Variants in TRAK1 observed in about 807,000 individuals in gnomAD.
TRAK1 encodes the protein trafficking kinesin protein 1.
Under a neutral mutation model 92.1 loss-of-function variants are expected in TRAK1, and 33 were observed. That is an observed-to-expected ratio of 0.36 (90% CI 0.27 to 0.48). The LOEUF (loss-of-function observed/expected upper bound fraction) is 0.48, where lower values mean the gene tolerates loss of function less well. Ranked by LOEUF, TRAK1 falls within the 20% of genes least tolerant of loss-of-function variation. The pLI, the probability that TRAK1 is intolerant of heterozygous loss-of-function variation, is 0.99. For synonymous variants in TRAK1, 521 were observed against 517.3 expected (o/e 1.01, Z -0.10); for missense variants, 1,123 against 1,257.9 (o/e 0.89, Z 1.62).
chr3:42,058,907 A>T (rs1000539038), intron 1 of TRAK1, among the ~76,000 whole-genome samples: 2 of 152,212 alleles, frequency 1.3e-5, no homozygotes, highest in African/African-American at 4.8e-5. Context: ...AATGTGAAAA[A>T]ATGTGTATCT....
Position 42,196,599 on chromosome 3 carries a change from G to A in TRAK1, c.1113+1658G>A, listed in dbSNP as rs1233739599. 3.4e-5 allele frequency among the ~76,000 whole-genome samples: 5 copies of A among 147,186 alleles called. No homozygotes were observed. The East Asian group carries it at 8.0e-4, about 23-fold the overall frequency. On this transcript the variant is annotated intron_variant, in intron 10 of 15. Coordinates refer to ENST00000327628, the MANE Select transcript of TRAK1 (RefSeq NM_001042646.3). The stretch of plus-strand genomic sequence containing the variant: ...GTCATCCAGGCTGGAGTGCAGTGGT[G>A]CGATCTTGGCTCACTGCAACCTCCC...
At chr3:42,216,607 G>A (rs1401961650) in intron 14 of TRAK1, among the ~76,000 whole-genome samples, 1 of 152,162 alleles carries the variant, frequency 6.6e-6, no homozygotes, top group Non-Finnish European at 1.5e-5. Flanking sequence ...GACAGCTACG[G>A]GCAGTTCATC....
At chr3:42,097,932 A>G (rs1706173252) in intron 1 of TRAK1, among the ~76,000 whole-genome samples, 1 of 152,192 alleles carries the variant, frequency 6.6e-6, no homozygotes, top group Non-Finnish European at 1.5e-5. Context: ...GATACTGACA[A>G]CTATGTGAAC....
At chr3:42,067,792 C>T (rs1230435987) in intron 1 of TRAK1, among the ~76,000 whole-genome samples, 1 of 106,724 alleles carries the variant, frequency 9.4e-6, no homozygotes, top group Non-Finnish European at 2.1e-5. Flanking sequence ...TTGTAATTGG[C>T]CTATCACGTA....
At chr3:42,197,643 C>G (rs1706941943) in intron 10 of TRAK1, among the ~76,000 whole-genome samples, 1 of 152,226 alleles carries the variant, frequency 6.6e-6, no homozygotes, top group South Asian at 2.1e-4. Flanking sequence ...ATGTCAGACT[C>G]ACCTAGGGAA....
At chr3:42,016,652 C>T (rs1239344937) in intron 1 of TRAK1, among the ~76,000 whole-genome samples, 1 of 152,218 alleles carries the variant, frequency 6.6e-6, no homozygotes, top group Non-Finnish European at 1.5e-5. Flanking sequence ...ATTCTCCTCT[C>T]CGTCAGCTGT....
upstream of TRAK1, among the ~76,000 whole-genome samples, chr3:42,085,849 G>A (rs1387659977): frequency 3.9e-5 from 6 of 152,234 alleles, no homozygotes; most frequent in Admixed American, 2.0e-4. Context: ...AAAACCACAC[G>A]GATATGAAAG....
intron 2 of TRAK1, among the ~76,000 whole-genome samples, chr3:42,153,524 C>T (rs75447018): frequency 1.6e-4 from 24 of 152,250 alleles, no homozygotes; most frequent in African/African-American, 5.5e-4. Flanking sequence ...CCTTTTATAA[C>T]CTGATAGATT....
intron 13 of TRAK1, among the ~76,000 whole-genome samples, chr3:42,207,092 T>C (rs1201048096): frequency 6.6e-6 from 1 of 152,168 alleles, no homozygotes; most frequent in Non-Finnish European, 1.5e-5. Context: ...CATACCCCCC[T>C]TTTCCCTTCC....
At chr3:42,095,235 C>T (rs1267428100) in intron 1 of TRAK1, among the ~76,000 whole-genome samples, 1 of 152,160 alleles carries the variant, frequency 6.6e-6, no homozygotes, top group African/African-American at 2.4e-5. Flanking sequence ...TCATGTTGTC[C>T]TCAGCACAGC....
chr3:42,060,080 T>C (rs920235850), intron 1 of TRAK1, among the ~76,000 whole-genome samples: 2 of 152,164 alleles, frequency 1.3e-5, no homozygotes, highest in Non-Finnish European at 1.5e-5. Flanking sequence ...CAGAGAACCA[T>C]GTCAATAAGA....
At chr3:42,128,161 A>C (rs1478264891) in intron 2 of TRAK1, among the ~76,000 whole-genome samples, 1 of 152,200 alleles carries the variant, frequency 6.6e-6, no homozygotes, top group Non-Finnish European at 1.5e-5. Flanking sequence ...CCTGGGCAAC[A>C]AGAGCGAAAC....
intron 1 of TRAK1, among the ~76,000 whole-genome samples, chr3:42,025,831 G>C (rs1326077230): frequency 6.6e-6 from 1 of 152,190 alleles, no homozygotes; most frequent in African/African-American, 2.4e-5. Flanking sequence ...GTCCGTGGCA[G>C]ATGTTCTTAG....
chr3:42,199,083 T>C, intron 10 of TRAK1, 94 bp from the exon 11 acceptor site: 3 of 1,319,118 alleles, frequency 2.3e-6, no homozygotes, highest in Non-Finnish European at 3.2e-6. Context: ...TGCCTTGGTT[T>C]ACTCTCCATG....
At chr3:42,060,820 G>A (rs1463154973) in intron 1 of TRAK1, among the ~76,000 whole-genome samples, 3 of 151,934 alleles carry the variant, frequency 2.0e-5, no homozygotes, top group Non-Finnish European at 4.4e-5. Context: ...TAGTAGAAAC[G>A]GAGTTTCGCC....
chr3:42,041,807 C>G (rs968853275), intron 1 of TRAK1, among the ~76,000 whole-genome samples: 1 of 109,768 alleles, frequency 9.1e-6, no homozygotes, highest in Non-Finnish European at 1.9e-5. Flanking sequence ...CTTTTCTTTT[C>G]TTTTTGAGAC....
At chr3:42,049,259 T>G (rs1702887912) in intron 1 of TRAK1, among the ~76,000 whole-genome samples, 1 of 152,216 alleles carries the variant, frequency 6.6e-6, no homozygotes, top group Non-Finnish European at 1.5e-5. Context: ...TCCCTCATAG[T>G]TCTTTTAACC....
intron 3 of TRAK1, among the ~76,000 whole-genome samples, chr3:42,183,496 C>T (rs1024465362): frequency 2.1e-5 from 3 of 145,992 alleles, no homozygotes; most frequent in African/African-American, 7.7e-5. Flanking sequence ...GTGGAGGTTA[C>T]AGTGAGCCGA....
At chr3:42,056,249 T>G (rs61206862) in intron 1 of TRAK1, among the ~76,000 whole-genome samples, 34,177 of 152,054 alleles carry the variant, frequency 0.22, 4,251 homozygotes, top group Middle Eastern at 0.33. Flanking sequence ...AACATTTTGA[T>G]AAATTGCCAG....
Sources: allele counts gnomAD v4.1 joint callset (sites outside exome capture counted in the v4.1 genomes callset), GRCh38; gene constraint gnomAD v4.1.1; transcripts MANE v1.5; gene names NCBI Gene and HGNC (gene_info 2026-07-23, HGNC 2026-07-21).